The following JPH3 variants were observed in gnomAD, a reference collection of about 807,000 sequenced individuals.
JPH3 encodes the protein junctophilin 3.
A neutral mutation model predicts 59.6 loss-of-function variants in JPH3; 11 were observed. That is an observed-to-expected ratio of 0.18 (90% confidence interval 0.12 to 0.31). The LOEUF is 0.31. JPH3 is among the 10% of genes least tolerant of loss of function. The probability of loss-of-function intolerance (pLI) is 1.00; values close to 1 mark genes in which losing one functional copy is unlikely to be tolerated. For synonymous variants in JPH3, 673 were observed against 483.6 expected, an observed-to-expected ratio of 1.39 and a Z score of -5.14; for missense variants, 1,202 against 1,105.7, an observed-to-expected ratio of 1.09 and a Z score of -1.24.
At chr16:87,660,072 G>A (rs906588438) in intron 2 of JPH3, among the ~76,000 whole-genome samples, 1 of 152,138 alleles carries the variant, frequency 6.6e-6, no homozygotes, top group African/African-American at 2.4e-5. Context: ...TGGAAACCCT[G>A]GGAAAGCAGC....
intron 2 of JPH3, among the ~76,000 whole-genome samples, chr16:87,647,727 G>A (rs981649918): frequency 2.6e-5 from 4 of 152,184 alleles, no homozygotes; most frequent in African/African-American, 7.2e-5. Context: ...CCTCCTCACC[G>A]CTGTGCACAG....
intron 3 of JPH3, among the ~76,000 whole-genome samples, chr16:87,685,528 C>T (rs759118864): frequency 6.6e-6 from 1 of 152,250 alleles, no homozygotes; most frequent in South Asian, 2.1e-4. Flanking sequence ...GGGGCGCACA[C>T]TTGGGGGCAC....
intron 4 of JPH3, chr16:87,696,173 T>A (rs2033841191): frequency 2.2e-6 from 1 of 452,624 alleles, no homozygotes; most frequent in African/African-American, 2.0e-5. Flanking sequence ...ATGCGGGCCC[T>A]TCTGAGATTC....
intron 2 of JPH3, among the ~76,000 whole-genome samples, chr16:87,677,648 C>A (rs1475563838): frequency 1.3e-5 from 2 of 152,206 alleles, no homozygotes; most frequent in Non-Finnish European, 2.9e-5. Flanking sequence ...GTCATACCTT[C>A]TCGCCAGCTG....
At chr16:87,650,727 C>T (rs566690225) in intron 2 of JPH3, among the ~76,000 whole-genome samples, 2 of 152,210 alleles carry the variant, frequency 1.3e-5, no homozygotes, top group African/African-American at 2.4e-5. Context: ...CAAGCCTGAT[C>T]CAGAGCAAGG....
Position 87,639,594 on chromosome 16 carries a change from G to GCCTGTCCTCCCTCCTGTCCTCCCT in JPH3, c.383-4659_383-4636dup, listed in dbSNP as rs369450570. Among the ~76,000 whole-genome samples the GCCTGTCCTCCCTCCTGTCCTCCCT allele has an allele frequency of 8.7e-5, 13 of 149,802 alleles. No homozygotes were observed. In the East Asian group the frequency reaches 1.2e-3, roughly 14 times the overall value. The stretch of plus-strand genomic sequence containing the variant: ...AACTCTGTCCCACTAAATGCTCACT[G>GCCTGTCCTCCCTCCTGTCCTCCCT]CCTGTCCTCCCTCCTGTCCTCCCTC... On this transcript the variant is annotated intron_variant, in intron 1 of 4. Coordinates refer to ENST00000284262, the MANE Select transcript of JPH3 (RefSeq NM_020655.4).
In JPH3 at chr16:87,620,488, A is replaced by AGAGAAGAGAGG. The variant is rs1555534453; in HGVS notation, c.382+16963_382+16964insAAGAGAGGGAG. On this transcript the variant is annotated intron_variant, in intron 1 of 4. Transcript: ENST00000284262. Reference sequence around the variant, plus strand: ...AGGGAGAGAAGGAGAGAAGAGAGGGAGAGGGGGAGGGGAAGAAGGAGAAAA... The same window carrying AGAGAAGAGAGG: ...AGGGAGAGAAGGAGAGAAGAGAGGGAGAGAAGAGAGGGAGGGGGAGGGGAAGAAGGAGAAAA... Among the ~76,000 whole-genome samples, 12 of 99,968 alleles carry AGAGAAGAGAGG rather than the reference A, an allele frequency of 1.2e-4. No homozygotes were observed. In the South Asian group the frequency reaches 2.4e-3, roughly 20 times the overall value. The allele number at this position is 99,968 out of a possible 152,430, so 65.6% of individuals were successfully genotyped here.
In JPH3 at chr16:87,656,250, G is replaced by T. The variant is rs112452804; in HGVS notation, c.1160+11215G>T. ...AGAGTCTTTCATGCTGTTCCTTCCA[G>T]CCGAACCCTCAGCTGGAGTCACTCC... On this transcript the variant is annotated intron_variant, in intron 2 of 4. Coordinates refer to ENST00000284262, the MANE Select transcript of JPH3 (RefSeq NM_020655.4). 2.2e-3 allele frequency among the ~76,000 whole-genome samples: 335 copies of T among 152,336 alleles called. 3 individuals are homozygous for T. Among genetic ancestry groups the T allele is most frequent in the African/African-American group, 7.5e-3 (310 of 41,576 alleles).
At chr16:87,673,795 G>A (rs1049873150) in intron 2 of JPH3, among the ~76,000 whole-genome samples, 3 of 151,746 alleles carry the variant, frequency 2.0e-5, no homozygotes, top group African/African-American at 4.8e-5. Context: ...GTGTGATGGC[G>A]GGCACCTGTA....
chr16:87,604,091 G>T (rs78568056), intron 1 of JPH3: 17,767 of 1,308,872 alleles, frequency 0.014, 154 homozygotes, highest in Non-Finnish European at 0.016. Flanking sequence ...ACTTCTAGGT[G>T]GTTGGACGCG....
At chr16:87,654,028 G>A (rs978578445) in intron 2 of JPH3, 3 of 152,278 alleles carry the variant, frequency 2.0e-5, no homozygotes, top group African/African-American at 7.2e-5. Flanking sequence ...TCTCCAGGAT[G>A]AAGACCAGGC....
intron 2 of JPH3, among the ~76,000 whole-genome samples, chr16:87,649,839 C>T (rs541557974): frequency 1.3e-5 from 2 of 152,136 alleles, no homozygotes; most frequent in African/African-American, 4.8e-5. Flanking sequence ...GAGGGAGAGA[C>T]GGGGTGGCCC....
chr16:87,654,349 TAG>T (rs2032422675), intron 2 of JPH3: 1 of 152,156 alleles, frequency 6.6e-6, no homozygotes. Flanking sequence ...TATCTGATAG[TAG>T]AGTTTTTCTG....
At chr16:87,691,448 GGT>G (rs1043650269) in intron 4 of JPH3, among the ~76,000 whole-genome samples, 21 of 152,210 alleles carry the variant, frequency 1.4e-4, no homozygotes, top group African/African-American at 5.1e-4. Context: ...CTGCCCCTCG[GGT>G]GTGAGGACGC....
Position 87,696,920 on chromosome 16 carries a change from C to T in JPH3, c.*260C>T, listed in dbSNP as rs567762055. On this transcript the variant is annotated 3_prime_UTR_variant, in exon 5 of 5. Coordinates refer to ENST00000284262, the MANE Select transcript of JPH3 (RefSeq NM_020655.4). ...GCAGAAGGAGGCCAGCACGCAGCCCCTCCAGCTCCACGTGGAGACAGAAGG... is the reference window on the plus strand; with the variant it reads ...GCAGAAGGAGGCCAGCACGCAGCCCTTCCAGCTCCACGTGGAGACAGAAGG... The T allele has an allele frequency of 8.6e-6, 4 of 463,158 alleles. No homozygotes were observed. Among genetic ancestry groups the T allele is most frequent in the Admixed American group, 3.4e-5 (1 of 29,564 alleles). 28.7% of individuals were successfully genotyped at this position (463,158 alleles called of 1,614,324 possible).
chr16:87,606,497 G>A (rs1339449469), intron 1 of JPH3, among the ~76,000 whole-genome samples: 2 of 152,156 alleles, frequency 1.3e-5, no homozygotes, highest in Non-Finnish European at 2.9e-5. Flanking sequence ...GGGGTGTGGG[G>A]TACAGGCACA....
intron 2 of JPH3, among the ~76,000 whole-genome samples, chr16:87,647,897 C>T (rs1034503551): frequency 1.3e-5 from 2 of 152,258 alleles, no homozygotes; most frequent in Non-Finnish European, 1.5e-5. Flanking sequence ...CCTCTGAGAC[C>T]CGCAGACCCA....
At chr16:87,694,812 C>T (rs918034661) in intron 4 of JPH3, 2 of 192,746 alleles carry the variant, frequency 1.0e-5, no homozygotes, top group Admixed American at 5.4e-5. Flanking sequence ...CAGGCACTTG[C>T]TGTCCCCTCC....
chr16:87,613,813 T>C (rs1398315974), intron 1 of JPH3, among the ~76,000 whole-genome samples: 1 of 152,216 alleles, frequency 6.6e-6, no homozygotes, highest in Non-Finnish European at 1.5e-5. Flanking sequence ...CATTTTATCA[T>C]AGACGTTATA....
Sources: allele counts gnomAD v4.1 joint callset (sites outside exome capture counted in the v4.1 genomes callset), GRCh38; gene constraint gnomAD v4.1.1; transcripts MANE v1.5; gene names NCBI Gene and HGNC (gene_info 2026-07-23, HGNC 2026-07-21).